The following CPNE4 variants were observed in gnomAD, a reference collection of about 807,000 sequenced individuals.
CPNE4 encodes copine-4.
Under a neutral mutation model 67.9 loss-of-function variants are expected in CPNE4, and 25 were observed. The observed-to-expected ratio is 0.37, with a 90% CI of 0.27 to 0.51. The LOEUF (loss-of-function observed/expected upper bound fraction) is 0.51, where lower values mean the gene tolerates loss of function less well. CPNE4 is among the 20% of genes least tolerant of loss of function. The probability of loss-of-function intolerance (pLI) is 0.93; values close to 1 mark genes in which losing one functional copy is unlikely to be tolerated. For missense variants in CPNE4, 464 were observed against 690.8 expected, an observed-to-expected ratio of 0.67 and a Z score of 3.68; for synonymous variants, 242 against 244.9, an observed-to-expected ratio of 0.99 and a Z score of 0.11.
intron 2 of CPNE4, among the ~76,000 whole-genome samples, chr3:131,763,021 T>C (rs1386118657): frequency 6.6e-6 from 1 of 152,008 alleles, no homozygotes; most frequent in African/African-American, 2.4e-5. Flanking sequence ...TAATTTCTTT[T>C]AGGAAAACAA....
intron 5 of CPNE4, among the ~76,000 whole-genome samples, chr3:131,692,158 G>A (rs933943799): frequency 6.6e-6 from 1 of 152,088 alleles, no homozygotes; most frequent in African/African-American, 2.4e-5. Flanking sequence ...TACCCATGAC[G>A]GTGATCTTGA....
At chr3:131,947,122 G>A (rs1000573733) in intron 1 of CPNE4, among the ~76,000 whole-genome samples, 6 of 152,126 alleles carry the variant, frequency 3.9e-5, no homozygotes, top group African/African-American at 1.4e-4. Context: ...CATAAATTTT[G>A]AAATCAAGAA....
rs1298758536 is a variant in CPNE4, at chr3:132,034,922, G to C, written c.-357C>G. 2 of 985,212 alleles carry C rather than the reference G, an allele frequency of 2.0e-6. No homozygotes were observed. The highest frequency in any genetic ancestry group is 1.7e-5 in the African/African-American group (1 of 57,148). 61.0% of individuals were successfully genotyped at this position (985,212 alleles called of 1,614,324 possible). A position where few individuals can be genotyped will look rare whatever the true frequency, so the allele number is the denominator to read the frequency against. On this transcript the variant is annotated 5_prime_UTR_variant, in exon 1 of 16. Transcript: ENST00000429747. The stretch of plus-strand genomic sequence containing the variant: ...AGAGGGAGGGAGTGGAGTGGAGCGA[G>C]GGAGGAAGGAAAGGAGGGTGGCAGA...
chr3:131,764,922 A>C (rs1377358944), intron 2 of CPNE4, among the ~76,000 whole-genome samples: 1 of 152,080 alleles, frequency 6.6e-6, no homozygotes, highest in Admixed American at 6.6e-5. Flanking sequence ...CCTGGGTGTC[A>C]CTCCATCCAG....
At chr3:131,645,910 G>C (rs1425053635) in intron 7 of CPNE4, among the ~76,000 whole-genome samples, 1 of 152,168 alleles carries the variant, frequency 6.6e-6, no homozygotes, top group Non-Finnish European at 1.5e-5. Flanking sequence ...TGTGAGTGGA[G>C]CCCTCACCTT....
intron 2 of CPNE4, among the ~76,000 whole-genome samples, chr3:131,861,519 C>T (rs2086683143): frequency 6.6e-6 from 1 of 151,966 alleles, no homozygotes; most frequent in African/African-American, 2.4e-5. Flanking sequence ...TAACCTCCCC[C>T]TCCCGGGTTC....
intron 1 of CPNE4, among the ~76,000 whole-genome samples, chr3:132,022,472 A>T (rs1386405911): frequency 2.0e-5 from 3 of 152,186 alleles, no homozygotes; most frequent in Non-Finnish European, 4.4e-5. Context: ...TTGCATAAAA[A>T]AACAGGTACA....
rs1583106773 is a variant in CPNE4 at position 131,735,700 on chromosome 3, G to T, written c.181-12075C>A. On this transcript the variant is annotated intron_variant, in intron 2 of 15. Transcript: ENST00000429747. ...CATGTTTTAGAGGCATTTTCTCTGAGAACAAAGAAGTTAAAATACAAGTGG... is the reference window on the plus strand; with the variant it reads ...CATGTTTTAGAGGCATTTTCTCTGATAACAAAGAAGTTAAAATACAAGTGG... Among the ~76,000 whole-genome samples, 5 of 152,154 alleles carry T rather than the reference G, an allele frequency of 3.3e-5. No individual in the cohort carries two copies. The South Asian group carries it at 1.0e-3, about 32-fold the overall frequency.
At chr3:131,632,977 C>A (rs76632941) in intron 7 of CPNE4, among the ~76,000 whole-genome samples, 2,692 of 152,220 alleles carry the variant, frequency 0.018, 32 homozygotes, top group Non-Finnish European at 0.025. Flanking sequence ...TTCCCCTGAA[C>A]TGCTGTCTAC....
intron 7 of CPNE4, among the ~76,000 whole-genome samples, chr3:131,627,193 C>CAAAAAAAAAAAAAAAAA (rs57977015): frequency 5.9e-5 from 4 of 68,358 alleles, no homozygotes; most frequent in African/African-American, 1.6e-4. Flanking sequence ...GACTCCATCT[C>CAAAAAAAAAAAAAAAAA]AAAAAAAAAA....
intron 2 of CPNE4, among the ~76,000 whole-genome samples, chr3:131,847,060 C>T (rs1053232792): frequency 2.0e-5 from 3 of 152,156 alleles, no homozygotes; most frequent in African/African-American, 7.2e-5. Flanking sequence ...CCCCATCTCC[C>T]CTCAGATTCT....
At chr3:131,716,574 G>T (rs75169172) in intron 3 of CPNE4, among the ~76,000 whole-genome samples, 9,963 of 152,166 alleles carry the variant, frequency 0.065, 457 homozygotes, top group African/African-American at 0.13. Context: ...TTTTCACGCT[G>T]TATGTTTCCC....
At chr3:131,956,403 G>C (rs888201696) in intron 1 of CPNE4, among the ~76,000 whole-genome samples, 7 of 152,086 alleles carry the variant, frequency 4.6e-5, no homozygotes, top group Admixed American at 1.3e-4. Flanking sequence ...TTCTTTAAAG[G>C]ATGTTGGTTT....
intron 2 of CPNE4, among the ~76,000 whole-genome samples, chr3:131,811,773 C>T (rs925557552): frequency 1.3e-5 from 2 of 152,080 alleles, no homozygotes; most frequent in Admixed American, 6.6e-5. Context: ...ACTTAGGAAG[C>T]ATGGATATTG....
intron 6 of CPNE4, among the ~76,000 whole-genome samples, chr3:131,672,968 C>T (rs189828523): frequency 6.6e-6 from 1 of 151,920 alleles, no homozygotes; most frequent in Admixed American, 6.6e-5. Context: ...TTTCACAGTT[C>T]GAAGTCTTAA....
intron 2 of CPNE4, among the ~76,000 whole-genome samples, chr3:131,742,397 C>A (rs1267158830): frequency 1.3e-5 from 2 of 152,190 alleles, no homozygotes; most frequent in Non-Finnish European, 2.9e-5. Context: ...ATACCATCAG[C>A]TGTCCTGGGT....
chr3:131,888,527 T>C (rs1583407716), intron 2 of CPNE4, among the ~76,000 whole-genome samples: 3 of 152,176 alleles, frequency 2.0e-5, no homozygotes, highest in Admixed American at 1.3e-4. Context: ...AGATAAAATA[T>C]TTAATTAGCC....
At position 132,034,628 on chromosome 3, in the gene CPNE4, C is replaced by G. The variant is rs1466839575; in HGVS notation, c.-63G>C. The stretch of plus-strand genomic sequence containing the variant: ...CAGCCCGGGACGAGGTCTGTCCCGC[C>G]CCCAGGATGCAAAATCCGGCTTTGA... On this transcript the variant is annotated 5_prime_UTR_variant, in exon 1 of 16. Transcript: ENST00000429747. 5 of 985,448 alleles carry G rather than the reference C, an allele frequency of 5.1e-6. No individual in the cohort carries two copies. Among genetic ancestry groups the G allele is most frequent in the Non-Finnish European group, 6.0e-6 (5 of 830,038 alleles). 61.0% of individuals were successfully genotyped at this position (985,448 alleles called of 1,614,324 possible). A position where few individuals can be genotyped will look rare whatever the true frequency, so the allele number is the denominator to read the frequency against.
rs149620737 is a variant in CPNE4, at chr3:131,646,173, T to G, written c.681+23502A>C. ...TACTGAAGAGTTCTAGTTACATTTC[T>G]TTTAAAACATACAATGTACCAAGAA... On this transcript the variant is annotated intron_variant, in intron 7 of 15. Transcript: ENST00000429747. Among the ~76,000 whole-genome samples, 178 of 152,324 alleles carry G rather than the reference T, an allele frequency of 1.2e-3. No individual in the cohort carries two copies. The East Asian group carries it at 0.021, about 18-fold the overall frequency.
Sources: allele counts gnomAD v4.1 joint callset (sites outside exome capture counted in the v4.1 genomes callset), GRCh38; gene constraint gnomAD v4.1.1; transcripts MANE v1.5; gene names NCBI Gene and HGNC (gene_info 2026-07-23, HGNC 2026-07-21).